Variants in PLPPR1 observed in about 807,000 individuals in gnomAD.
PLPPR1 encodes phospholipid phosphatase related 1, also known as phospholipid phosphatase-related protein type 1.
In PLPPR1, 10 loss-of-function variants were observed where a neutral mutation model predicts 33.1. The ratio of observed to expected loss-of-function variants is 0.30; its 90% CI spans 0.19 to 0.51. The LOEUF (loss-of-function observed/expected upper bound fraction) is 0.51. Among genes scored for constraint, PLPPR1 ranks in the 20% least tolerant of loss-of-function variants. The probability of loss-of-function intolerance (pLI) is 0.97; values close to 1 mark genes in which losing one functional copy is unlikely to be tolerated. For missense variants in PLPPR1, 304 were observed against 408.1 expected (o/e 0.74, Z 2.20); for synonymous variants, 151 against 151.0 (o/e 1.00, Z 0.00).
At chr9:101,163,108 G>A (rs1215960463) in intron 1 of PLPPR1, among the ~76,000 whole-genome samples, 1 of 152,146 alleles carries the variant, frequency 6.6e-6, no homozygotes, top group Non-Finnish European at 1.5e-5. Flanking sequence ...CCTAAGCTAA[G>A]TAATTAATGA....
chr9:101,085,849 T>C (rs1333960385), intron 1 of PLPPR1, among the ~76,000 whole-genome samples: 1 of 151,800 alleles, frequency 6.6e-6, no homozygotes, highest in Non-Finnish European at 1.5e-5. Context: ...ACTTCCCTCA[T>C]TGGAAATGGA....
At chr9:101,269,691 T>C in intron 2 of PLPPR1, 189 bp from the exon 3 acceptor site, 5 of 616,332 alleles carry the variant, frequency 8.1e-6, no homozygotes, top group Non-Finnish European at 1.5e-5. Flanking sequence ...GGAAGGTTTA[T>C]AGAACAGATG....
chr9:101,043,451 A>G (rs549602537), intron 1 of PLPPR1, among the ~76,000 whole-genome samples: 139 of 151,762 alleles, frequency 9.2e-4, no homozygotes, highest in East Asian at 1.2e-3. Flanking sequence ...ATGCATACAC[A>G]TATATACATA....
intron 1 of PLPPR1, among the ~76,000 whole-genome samples, chr9:101,032,716 A>G (rs750869888): frequency 6.6e-6 from 1 of 152,222 alleles, no homozygotes; most frequent in Non-Finnish European, 1.5e-5. Context: ...CATTTCTCCA[A>G]CGTGATCAAC....
intron 1 of PLPPR1, among the ~76,000 whole-genome samples, chr9:101,033,537 A>G (rs1829971492): frequency 6.6e-6 from 1 of 152,180 alleles, no homozygotes. Context: ...ATTTAGCAAA[A>G]TATAGGGATT....
chr9:101,167,141 G>GTGTGTGTGTGTGTGTGTGTGTGTGTGT (rs1825869572), intron 1 of PLPPR1, among the ~76,000 whole-genome samples: 1 of 39,648 alleles, frequency 2.5e-5, no homozygotes, highest in Non-Finnish European at 5.6e-5. Flanking sequence ...TATGTCTCTC[G>GTGTGTGTGTGTGTGTGTGTGTGTGTGT]GTGTGTGTGT....
At chr9:101,304,527 A>C (rs1309827073) in intron 4 of PLPPR1, among the ~76,000 whole-genome samples, 2 of 152,242 alleles carry the variant, frequency 1.3e-5, no homozygotes, top group African/African-American at 4.8e-5. Flanking sequence ...TGCAAGTGTA[A>C]AGTTCCTACT....
chr9:101,315,951 A>G (rs1293524863), intron 6 of PLPPR1, among the ~76,000 whole-genome samples: 2 of 152,370 alleles, frequency 1.3e-5, no homozygotes, highest in East Asian at 1.9e-4. Context: ...CACATGCTGT[A>G]TGCTTTATAG....
chr9:101,252,635 A>G (rs888622182), intron 2 of PLPPR1, among the ~76,000 whole-genome samples: 1 of 152,114 alleles, frequency 6.6e-6, no homozygotes, highest in African/African-American at 2.4e-5. Flanking sequence ...AAACTGCTTG[A>G]CCTGAGAGAA....
chr9:101,054,569 C>G (rs1830260707), intron 1 of PLPPR1, among the ~76,000 whole-genome samples: 1 of 152,114 alleles, frequency 6.6e-6, no homozygotes, highest in Non-Finnish European at 1.5e-5. Context: ...TGGACAAACC[C>G]TTCTTTTAGA....
chr9:101,272,302 G>C (rs1828115859), intron 3 of PLPPR1, among the ~76,000 whole-genome samples: 1 of 152,106 alleles, frequency 6.6e-6, no homozygotes, highest in Non-Finnish European at 1.5e-5. Context: ...AACATTTGAG[G>C]AATAAGAAAT....
At chr9:101,230,109 C>A (rs1827150284) in intron 2 of PLPPR1, among the ~76,000 whole-genome samples, 1 of 152,046 alleles carries the variant, frequency 6.6e-6, no homozygotes, top group Admixed American at 6.6e-5. Context: ...AAATTAAATG[C>A]ATTAAAAGGT....
At chr9:101,143,239 T>G (rs1461120146) in intron 1 of PLPPR1, among the ~76,000 whole-genome samples, 1 of 152,174 alleles carries the variant, frequency 6.6e-6, no homozygotes, top group Non-Finnish European at 1.5e-5. Context: ...TTTCCAGACT[T>G]AAGTCTATCA....
At chr9:101,206,203 G>A (rs143428458) in intron 2 of PLPPR1, among the ~76,000 whole-genome samples, 2 of 152,250 alleles carry the variant, frequency 1.3e-5, no homozygotes, top group South Asian at 2.1e-4. Flanking sequence ...TTAAACTTAG[G>A]ACTTTGTAAA....
intron 4 of PLPPR1, among the ~76,000 whole-genome samples, chr9:101,301,196 C>T (rs1233222889): frequency 6.6e-6 from 1 of 152,046 alleles, no homozygotes; most frequent in Non-Finnish European, 1.5e-5. Context: ...TTCTAAACCA[C>T]CAGCTTATCG....
At chr9:101,161,613 T>A (rs1195211007) in intron 1 of PLPPR1, among the ~76,000 whole-genome samples, 1 of 152,086 alleles carries the variant, frequency 6.6e-6, no homozygotes, top group Non-Finnish European at 1.5e-5. Flanking sequence ...GGGGGTTCAT[T>A]AAGGCAATCC....
chr9:101,199,746 G>A lies in PLPPR1; in HGVS notation c.63+14189G>A, dbSNP rs1360356491. On this transcript the variant is annotated intron_variant, in intron 2 of 7. Coordinates refer to ENST00000374874, the MANE Select transcript of PLPPR1 (RefSeq NM_207299.2). Reference sequence around the variant, plus strand: ...TTATCTCTGAGGTACTAGTTAGCCTGTATGGAGATTCATTAATAGCCTTTG... The same window carrying A: ...TTATCTCTGAGGTACTAGTTAGCCTATATGGAGATTCATTAATAGCCTTTG... 3.3e-5 allele frequency among the ~76,000 whole-genome samples: 5 copies of A among 152,188 alleles called. No homozygotes were observed. The East Asian group carries it at 9.6e-4, about 29-fold the overall frequency.
chr9:101,253,763 T>A (rs1827751741), intron 2 of PLPPR1, among the ~76,000 whole-genome samples: 1 of 152,118 alleles, frequency 6.6e-6, no homozygotes, highest in African/African-American at 2.4e-5. Context: ...GTCTACCAAA[T>A]TGAATTAATT....
intron 2 of PLPPR1, among the ~76,000 whole-genome samples, chr9:101,229,420 C>G (rs1185389697): frequency 1.3e-5 from 2 of 151,818 alleles, no homozygotes; most frequent in African/African-American, 4.8e-5. Flanking sequence ...TTATTTTTTT[C>G]CATTTATAAA....
Sources: gnomAD v4.1 joint callset for allele counts (sites outside exome capture counted in the v4.1 genomes callset) on GRCh38, gnomAD v4.1.1 for gene constraint, MANE v1.5 for transcripts, NCBI Gene and HGNC (gene_info 2026-07-23, HGNC 2026-07-21) for gene names.